Variants in GRID1 observed in about 807,000 individuals in gnomAD.
GRID1 encodes glutamate receptor ionotropic, delta-1.
A neutral mutation model predicts 98.0 loss-of-function variants in GRID1; 28 were observed. The observed-to-expected ratio is 0.29, with a 90% confidence interval of 0.21 to 0.39. The LOEUF is 0.39. Ranked by LOEUF, GRID1 falls within the 10% of genes least tolerant of loss-of-function variation. The pLI is 1.00. For synonymous variants in GRID1, 553 were observed against 538.5 expected (o/e 1.03, Z -0.37); for missense variants, 1,111 against 1,340.5 (o/e 0.83, Z 2.67).
At chr10:85,886,690 T>G (rs1396226926) in intron 5 of GRID1, among the ~76,000 whole-genome samples, 1 of 152,202 alleles carries the variant, frequency 6.6e-6, no homozygotes, top group Non-Finnish European at 1.5e-5. Flanking sequence ...AGAGGATAAA[T>G]TTTTATAATG....
At chr10:86,284,125 C>A (rs560422296) in intron 2 of GRID1, among the ~76,000 whole-genome samples, 5 of 150,312 alleles carry the variant, frequency 3.3e-5, no homozygotes, top group Admixed American at 2.6e-4. Flanking sequence ...CATATACACA[C>A]CTGCCCTCAT....
intron 3 of GRID1, among the ~76,000 whole-genome samples, chr10:86,181,163 T>A (rs541510164): frequency 6.6e-6 from 1 of 152,310 alleles, no homozygotes; most frequent in East Asian, 1.9e-4. Flanking sequence ...GGTATTTGCT[T>A]ACAAACCTTC....
chr10:85,776,038 G>A (rs1469883853), intron 8 of GRID1, among the ~76,000 whole-genome samples: 2 of 151,722 alleles, frequency 1.3e-5, no homozygotes, highest in African/African-American at 4.8e-5. Context: ...ACTCAAAAAA[G>A]CATTGGTGGT....
chr10:85,604,178 T>C (rs1842622418), intron 15 of GRID1, among the ~76,000 whole-genome samples: 2 of 152,180 alleles, frequency 1.3e-5, no homozygotes, highest in African/African-American at 4.8e-5. Context: ...CAATGTCCCC[T>C]GGCATATAGA....
intron 8 of GRID1, among the ~76,000 whole-genome samples, chr10:85,792,398 G>A (rs1452380094): frequency 6.6e-6 from 1 of 152,186 alleles, no homozygotes; most frequent in Non-Finnish European, 1.5e-5. Context: ...AGGGAGCCCT[G>A]GCGAGGTGCC....
intron 2 of GRID1, among the ~76,000 whole-genome samples, chr10:86,350,864 C>A (rs747121339): frequency 2.0e-5 from 3 of 152,210 alleles, no homozygotes; most frequent in Non-Finnish European, 4.4e-5. Flanking sequence ...AGTCACCCTG[C>A]AGTGCTCTGG....
At chr10:86,006,129 G>A (rs1004261656) in intron 4 of GRID1, among the ~76,000 whole-genome samples, 1 of 152,156 alleles carries the variant, frequency 6.6e-6, no homozygotes, top group East Asian at 1.9e-4. Flanking sequence ...GTGCAGAATA[G>A]AATACAAAGT....
intron 4 of GRID1, among the ~76,000 whole-genome samples, chr10:86,106,600 G>A (rs1417398828): frequency 1.3e-5 from 2 of 152,064 alleles, no homozygotes; most frequent in Non-Finnish European, 2.9e-5. Context: ...GGGATGGGAG[G>A]AGGGAGCCTT....
rs188634624 is a variant in GRID1, at chr10:86,159,963, C to G, written c.521-20939G>C. On this transcript the variant is annotated intron_variant, in intron 3 of 15. Transcript: ENST00000327946. ...ATCATTATCATCACCTTCACCATCA[C>G]CTTCATCATCACCACCATCATCATC... Among the ~76,000 whole-genome samples the G allele has an allele frequency of 6.8e-3, 1,031 of 152,294 alleles. 6 individuals are homozygous for G. The highest frequency in any genetic ancestry group is 0.012 in the Non-Finnish European group (825 of 68,024).
intron 12 of GRID1, among the ~76,000 whole-genome samples, chr10:85,699,241 T>C (rs759443649): frequency 2.0e-5 from 3 of 152,090 alleles, no homozygotes; most frequent in South Asian, 4.2e-4. Context: ...TTAGTAACTA[T>C]GGGGTTTTGC....
chr10:85,903,293 C>T (rs2131816958), intron 5 of GRID1, among the ~76,000 whole-genome samples: 1 of 152,270 alleles, frequency 6.6e-6, no homozygotes, highest in Non-Finnish European at 1.5e-5. Context: ...GTTCCTGAAG[C>T]TAAAAACAAA....
intron 5 of GRID1, among the ~76,000 whole-genome samples, chr10:85,910,762 G>C (rs1473057171): frequency 1.7e-4 from 26 of 152,200 alleles, no homozygotes; most frequent in Non-Finnish European, 2.9e-5. Context: ...AGAGAAAAGA[G>C]ATCAGCTTGT....
chr10:86,221,934 G>C (rs2132029918), intron 2 of GRID1, among the ~76,000 whole-genome samples: 1 of 151,810 alleles, frequency 6.6e-6, no homozygotes, highest in African/African-American at 2.4e-5. Context: ...GGAAGGAACA[G>C]GGGTAGGGAG....
chr10:85,883,474 CT>C (rs1466518174), intron 5 of GRID1, among the ~76,000 whole-genome samples: 3 of 151,018 alleles, frequency 2.0e-5, no homozygotes, highest in African/African-American at 7.3e-5. Context: ...CTTCGTTTTC[CT>C]TTGTCCTTCT....
chr10:86,130,547 C>T lies in GRID1; in HGVS notation c.726+8272G>A, dbSNP rs151124587. Among the ~76,000 whole-genome samples, 159 of 152,246 alleles carry T rather than the reference C, an allele frequency of 1.0e-3. 1 individual carries two copies. The highest frequency in any genetic ancestry group is 3.4e-3 in the African/African-American group (142 of 41,540). ...GAGGAGAGAAGGAGCATCTGAATGT[C>T]GAGAGGAGTTCGGTTGGAGACAGTC... On this transcript the variant is annotated intron_variant, in intron 4 of 15. Transcript: ENST00000327946.
In GRID1 at chr10:86,365,574, T is replaced by C. The variant is rs1848666039; in HGVS notation, c.79+740A>G. Among the ~76,000 whole-genome samples, 1 of 136,190 alleles carries C rather than the reference T, an allele frequency of 7.3e-6. No homozygotes were observed. Among genetic ancestry groups the C allele is most frequent in the Non-Finnish European group, 1.6e-5 (1 of 62,492 alleles). 89.3% of individuals were successfully genotyped at this position (136,190 alleles called of 152,430 possible). A position where few individuals can be genotyped will look rare whatever the true frequency, so the allele number is the denominator to read the frequency against. On this transcript the variant is annotated intron_variant, in intron 1 of 15. Transcript: ENST00000327946. This position sits in a 1 kb window ranked among gnomAD's most constrained non-coding sequence, Gnocchi z 4.8. Reference sequence around the variant, plus strand: ...CCCCCCGCTGCCCACGCTTCTTCCCTCGGCTCCCACCACCCAGACCGTCTG... The same window carrying C: ...CCCCCCGCTGCCCACGCTTCTTCCCCCGGCTCCCACCACCCAGACCGTCTG...
intron 8 of GRID1, among the ~76,000 whole-genome samples, chr10:85,738,068 T>C (rs1295954953): frequency 6.6e-6 from 1 of 151,990 alleles, no homozygotes; most frequent in Non-Finnish European, 1.5e-5. Flanking sequence ...TCAGCTCTTC[T>C]CCACCAAACC....
At chr10:86,194,305 G>A (rs1209955595) in intron 3 of GRID1, among the ~76,000 whole-genome samples, 3 of 152,098 alleles carry the variant, frequency 2.0e-5, no homozygotes, top group Non-Finnish European at 4.4e-5. Context: ...AGACATGGAG[G>A]AATAAAGCCC....
intron 2 of GRID1, among the ~76,000 whole-genome samples, chr10:86,342,086 A>G (rs966803312): frequency 1.3e-5 from 2 of 152,224 alleles, no homozygotes; most frequent in Admixed American, 6.5e-5. Flanking sequence ...TCCGGGCCTC[A>G]TCCACCTCTG....
Sources: allele counts gnomAD v4.1 joint callset (sites outside exome capture counted in the v4.1 genomes callset), GRCh38; gene constraint gnomAD v4.1.1; non-coding constraint Gnocchi (gnomAD v3.1); transcripts MANE v1.5; gene names NCBI Gene and HGNC (gene_info 2026-07-23, HGNC 2026-07-21).